Variants in TSPAN9 observed in about 807,000 individuals in gnomAD.
TSPAN9 encodes tetraspanin 9, also known as tetraspanin-9.
In TSPAN9, 16 loss-of-function variants were observed where a neutral mutation model predicts 31.0. That is an observed-to-expected ratio of 0.52 (90% CI 0.35 to 0.78). The LOEUF is 0.78. TSPAN9 is among the 30% of genes least tolerant of loss of function. The pLI is 0.01. For missense variants in TSPAN9, 272 were observed against 312.5 expected (o/e 0.87, Z 0.98); for synonymous variants, 145 against 121.6 (o/e 1.19, Z -1.27).
chr12:3,269,577 T>C (rs1022076643), intron 3 of TSPAN9, among the ~76,000 whole-genome samples: 26 of 143,666 alleles, frequency 1.8e-4, no homozygotes, highest in African/African-American at 3.4e-4. Flanking sequence ...GCCTGCCCTC[T>C]CTGTGTTCCT....
intron 2 of TSPAN9, among the ~76,000 whole-genome samples, chr12:3,119,570 C>T (rs896397301): frequency 3.3e-5 from 5 of 152,172 alleles, no homozygotes; most frequent in African/African-American, 1.2e-4. Context: ...CCTCCCCATC[C>T]TCTCAGCCCG....
At chr12:3,255,891 C>T (rs1018260198) in intron 3 of TSPAN9, among the ~76,000 whole-genome samples, 2 of 152,178 alleles carry the variant, frequency 1.3e-5, no homozygotes, top group Non-Finnish European at 2.9e-5. Flanking sequence ...AAGCTGGACA[C>T]CCCTTTGTAC....
At chr12:3,109,265 A>AGTGTGTGTGTGTGTGTGTGTGT (rs1461795540) in intron 2 of TSPAN9, among the ~76,000 whole-genome samples, 1 of 26,928 alleles carries the variant, frequency 3.7e-5, no homozygotes, top group African/African-American at 2.0e-4. Flanking sequence ...TGTTTCATAT[A>AGTGTGTGTGTGTGTGTGTGTGT]GTCTGTGTGT....
intron 2 of TSPAN9, among the ~76,000 whole-genome samples, chr12:3,118,576 C>CT (rs1181946405): frequency 4.7e-4 from 72 of 151,696 alleles, no homozygotes; most frequent in South Asian, 4.2e-3. Context: ...CCTCTCTGCT[C>CT]TTTTTTTTAA....
chr12:3,172,063 C>T lies in TSPAN9; in HGVS notation c.-17-29114C>T, dbSNP rs1023874416. The T allele has an allele frequency of 3.3e-5, 5 of 152,188 alleles. No homozygotes were observed. Among genetic ancestry groups the T allele is most frequent in the African/African-American group, 9.7e-5 (4 of 41,422 alleles). The allele number at this position is 152,188 out of a possible 1,614,324, so 9.4% of individuals were successfully genotyped here. On this transcript the variant is annotated intron_variant, in intron 2 of 8. Transcript: ENST00000011898. This position sits in a 1 kb window ranked among gnomAD's most constrained non-coding sequence, Gnocchi z 4.8. Reference sequence around the variant, plus strand: ...AACTCAGGCTGAGCTGGATGATAAACGAAAGTGGGACAGAGCTGCAGGATA... The same window carrying T: ...AACTCAGGCTGAGCTGGATGATAAATGAAAGTGGGACAGAGCTGCAGGATA...
rs541014336 is a variant in TSPAN9 at position 3,218,159 on chromosome 12, T to C, written c.63+16903T>C. Among the ~76,000 whole-genome samples the C allele has an allele frequency of 7.2e-5, 11 of 152,266 alleles. 1 individual carries two copies. The South Asian group carries it at 2.1e-3, about 29-fold the overall frequency. On this transcript the variant is annotated intron_variant, in intron 3 of 8. Coordinates refer to ENST00000011898, the MANE Select transcript of TSPAN9 (RefSeq NM_006675.5). ...CTGTGCTCAGCCCCCATTTTTTCTG[T>C]GGGCCCTGGTTTTCTCTAGGCTTTG...
intron 2 of TSPAN9, among the ~76,000 whole-genome samples, chr12:3,159,490 A>G (rs1451411294): frequency 6.6e-6 from 1 of 152,142 alleles, no homozygotes; most frequent in Non-Finnish European, 1.5e-5. Flanking sequence ...ATTTGGAGGG[A>G]GAGAAGATCT....
At position 3,193,925 on chromosome 12, in the gene TSPAN9, G is replaced by A. The variant is rs533285784; in HGVS notation, c.-17-7252G>A. On this transcript the variant is annotated intron_variant, in intron 2 of 8. Coordinates refer to ENST00000011898, the MANE Select transcript of TSPAN9 (RefSeq NM_006675.5). ...ATGGCTGTGAGTGAGACAGCTGACC[G>A]CATGGCATTTGCACTCTTATCTGTA... Among the ~76,000 whole-genome samples the A allele has an allele frequency of 2.2e-3, 330 of 152,318 alleles. 2 individuals are homozygous for A. The highest frequency in any genetic ancestry group is 8.5e-3 in the South Asian group (41 of 4,830).
intron 2 of TSPAN9, among the ~76,000 whole-genome samples, chr12:3,095,970 GAGGCCAAGGC>G (rs1373974545): frequency 6.7e-6 from 1 of 150,230 alleles, no homozygotes; most frequent in Non-Finnish European, 1.5e-5. Context: ...GGCACTTTGG[GAGGCCAAGGC>G]AGGCGGCTGC....
In TSPAN9 at chr12:3,178,181, A is replaced by G. The variant is rs570321524; in HGVS notation, c.-17-22996A>G. ...CACCGTCTCCGCTACCCACGTATCC[A>G]CTCCCCATACAGTGCTTAGCATAAC... On this transcript the variant is annotated intron_variant, in intron 2 of 8. Transcript: ENST00000011898. 3.4e-5 allele frequency among the ~76,000 whole-genome samples: 5 copies of G among 148,966 alleles called. No individual in the cohort carries two copies. The East Asian group carries it at 9.8e-4, about 29-fold the overall frequency.
intron 3 of TSPAN9, among the ~76,000 whole-genome samples, chr12:3,212,451 A>T (rs2098379227): frequency 6.6e-6 from 1 of 151,786 alleles, no homozygotes; most frequent in East Asian, 1.9e-4. Flanking sequence ...AAATTTTTAA[A>T]TTTTTTGTAG....
At chr12:3,118,259 T>TTTTTTTTTTTTTTTC (rs2098323428) in intron 2 of TSPAN9, among the ~76,000 whole-genome samples, 1 of 58,694 alleles carries the variant, frequency 1.7e-5, no homozygotes. Flanking sequence ...ACCCGCCGTT[T>TTTTTTTTTTTTTTTC]TTTTTTTTTT....
chr12:3,138,262 C>T (rs1019805786), intron 2 of TSPAN9, among the ~76,000 whole-genome samples: 2 of 152,130 alleles, frequency 1.3e-5, no homozygotes, highest in South Asian at 4.1e-4. Flanking sequence ...GCCAGGGAGA[C>T]GAGAGCCCTG....
intron 3 of TSPAN9, among the ~76,000 whole-genome samples, chr12:3,247,391 AC>A (rs1282593648): frequency 7.1e-6 from 1 of 141,264 alleles, no homozygotes; most frequent in African/African-American, 2.6e-5. Context: ...AGGAGATGGG[AC>A]CTAAAGATGT....
intron 2 of TSPAN9, among the ~76,000 whole-genome samples, chr12:3,086,334 T>G (rs2098300475): frequency 6.6e-6 from 1 of 152,154 alleles, no homozygotes; most frequent in African/African-American, 2.4e-5. Context: ...TGTAGATTTT[T>G]TTTTTTTTTT....
intron 8 of TSPAN9, among the ~76,000 whole-genome samples, chr12:3,282,609 A>C (rs1236960673): frequency 6.6e-6 from 1 of 152,178 alleles, no homozygotes; most frequent in African/African-American, 2.4e-5. Context: ...TCTATTGCCC[A>C]GGCCGATCTC....
chr12:3,109,104 T>G (rs1327457710), intron 2 of TSPAN9, among the ~76,000 whole-genome samples: 3 of 151,812 alleles, frequency 2.0e-5, no homozygotes, highest in Non-Finnish European at 1.5e-5. Context: ...CCCGGCTAAT[T>G]TTTTGCATTT....
At chr12:3,193,688 C>G (rs1219244317) in intron 2 of TSPAN9, among the ~76,000 whole-genome samples, 1 of 152,220 alleles carries the variant, frequency 6.6e-6, no homozygotes, top group Non-Finnish European at 1.5e-5. Context: ...CAGCAGTGCT[C>G]CTGGCTGTGC....
Position 3,192,560 on chromosome 12 carries a change from T to C in TSPAN9, c.-17-8617T>C, listed in dbSNP as rs995256379. Among the ~76,000 whole-genome samples the C allele has an allele frequency of 3.9e-5, 6 of 152,036 alleles. No homozygotes were observed. The highest frequency in any genetic ancestry group is 1.3e-4 in the Admixed American group (2 of 15,272). ...AAGCCATTTGTTGAGAAGGAGCGGA[T>C]AGTGCCAGGGAGCACATCCGGGGCA... On this transcript the variant is annotated intron_variant, in intron 2 of 8. Coordinates refer to ENST00000011898, the MANE Select transcript of TSPAN9 (RefSeq NM_006675.5). The surrounding 1 kb of genome is among the most constrained non-coding windows in gnomAD (Gnocchi z 4.6).
Sources: allele counts gnomAD v4.1 joint callset (sites outside exome capture counted in the v4.1 genomes callset), GRCh38; gene constraint gnomAD v4.1.1; non-coding constraint Gnocchi (gnomAD v3.1); transcripts MANE v1.5; gene names NCBI Gene and HGNC (gene_info 2026-07-23, HGNC 2026-07-21).